Variants in DGKB observed in about 807,000 individuals in gnomAD.
The protein encoded by DGKB is 90 kDa diacylglycerol kinase.
Under a neutral mutation model 114.3 loss-of-function variants are expected in DGKB, and 67 were observed. That is an observed-to-expected ratio of 0.59 (90% CI 0.48 to 0.72). The LOEUF is 0.72. Ranked by LOEUF, DGKB falls within the 30% of genes least tolerant of loss-of-function variation. DGKB has a pLI of 0.00. For missense variants in DGKB, 907 were observed against 975.2 expected (o/e 0.93, Z 0.93); for synonymous variants, 398 against 323.1 (o/e 1.23, Z -2.49).
chr7:14,269,069 T>C (rs908452487), intron 23 of DGKB: 6 of 152,208 alleles, frequency 3.9e-5, no homozygotes, highest in Non-Finnish European at 5.9e-5. Flanking sequence ...ATGGCTCATT[T>C]GCGTGGCTGT....
At chr7:14,368,882 G>A (rs1817155008) in intron 21 of DGKB, among the ~76,000 whole-genome samples, 1 of 152,062 alleles carries the variant, frequency 6.6e-6, no homozygotes, top group African/African-American at 2.4e-5. Context: ...CGATTTCTGT[G>A]AAAGAGAAAG....
intron 14 of DGKB, among the ~76,000 whole-genome samples, chr7:14,624,787 C>T (rs910279414): frequency 1.3e-5 from 2 of 152,026 alleles, no homozygotes; most frequent in African/African-American, 2.4e-5. Context: ...CGCTGGAGCC[C>T]AGGAGTTCAA....
chr7:14,802,787 C>G (rs1842338418), intron 2 of DGKB, among the ~76,000 whole-genome samples: 1 of 152,086 alleles, frequency 6.6e-6, no homozygotes, highest in South Asian at 2.1e-4. Flanking sequence ...CTTACCTTCC[C>G]TGAAAATAGC....
chr7:14,682,778 T>G lies in DGKB; in HGVS notation c.893A>C (p.Tyr298Ser). 6.2e-7 allele frequency: 1 copy of G among 1,611,032 alleles called. No individual in the cohort carries two copies. Among genetic ancestry groups the G allele is most frequent in the Non-Finnish European group, 8.5e-7 (1 of 1,178,304 alleles). ...ATCAGTGTTCCTTTTGGACTTCACATAGGTCTTGATGCAAGAGGGAGGTGC... is the reference window on the plus strand; with the variant it reads ...ATCAGTGTTCCTTTTGGACTTCACAGAGGTCTTGATGCAAGAGGGAGGTGC... ...ARAPPSCIKTYVKSKRNTDVM... is the reference protein window; with the variant it reads ...ARAPPSCIKTSVKSKRNTDVM... The change falls in exon 11 of 26, where the codon TAT becomes TCT. Residue 298 changes from tyrosine to serine, a missense_variant. This residue lies in a region of DGKB where 814 missense variants were observed against 856.6 expected (regional missense o/e 0.95). Coordinates refer to ENST00000402815, the MANE Select transcript of DGKB (RefSeq NM_001350709.2).
chr7:14,476,585 C>A (rs1004277214), intron 21 of DGKB, among the ~76,000 whole-genome samples: 1 of 151,820 alleles, frequency 6.6e-6, no homozygotes, highest in African/African-American at 2.4e-5. Context: ...TATATGTACA[C>A]ATATATATCC....
intron 20 of DGKB, among the ~76,000 whole-genome samples, chr7:14,503,088 C>T (rs1382687920): frequency 2.0e-5 from 3 of 152,088 alleles, no homozygotes; most frequent in African/African-American, 7.2e-5. Flanking sequence ...AATCTAATTT[C>T]TGTAAAATAT....
chr7:14,794,990 A>C (rs1328973697), intron 2 of DGKB, among the ~76,000 whole-genome samples: 1 of 152,150 alleles, frequency 6.6e-6, no homozygotes, highest in Non-Finnish European at 1.5e-5. Flanking sequence ...ACCTCCCCCA[A>C]GGCAGATGCC....
At chr7:14,670,513 AG>A (rs760545352) in intron 13 of DGKB, among the ~76,000 whole-genome samples, 2 of 151,434 alleles carry the variant, frequency 1.3e-5, no homozygotes, top group African/African-American at 2.4e-5. Context: ...CATGTTGGCC[AG>A]GGGGGGTCTT....
chr7:14,840,703 C>CAG (rs1255183801), intron 2 of DGKB, among the ~76,000 whole-genome samples: 1 of 23,406 alleles, frequency 4.3e-5, no homozygotes, highest in Non-Finnish European at 6.1e-5. Context: ...TCTTTTAACA[C>CAG]ACACACACAC....
chr7:14,589,995 T>C (rs1453924325), intron 17 of DGKB, among the ~76,000 whole-genome samples: 1 of 146,592 alleles, frequency 6.8e-6, no homozygotes, highest in Non-Finnish European at 1.5e-5. Flanking sequence ...AGCACTTGCA[T>C]ATAAAACCTA....
intron 2 of DGKB, among the ~76,000 whole-genome samples, chr7:14,836,430 A>G (rs73680340): frequency 1.4e-3 from 212 of 152,334 alleles, no homozygotes; most frequent in African/African-American, 4.5e-3. Flanking sequence ...GCTAACCCTA[A>G]GTGACAATAC....
At chr7:14,390,299 T>C (rs1821119273) in intron 21 of DGKB, among the ~76,000 whole-genome samples, 2 of 152,196 alleles carry the variant, frequency 1.3e-5, no homozygotes, top group African/African-American at 2.4e-5. Flanking sequence ...CCTCTCCTTG[T>C]CAGCAAATGG....
At chr7:14,173,719 C>T (rs898128818) in intron 25 of DGKB, among the ~76,000 whole-genome samples, 2 of 152,108 alleles carry the variant, frequency 1.3e-5, no homozygotes, top group Non-Finnish European at 2.9e-5. Context: ...TAAATATTCT[C>T]TTCAATTACA....
intron 1 of DGKB, among the ~76,000 whole-genome samples, chr7:14,973,534 TTTTC>T (rs1266853309): frequency 1.4e-5 from 2 of 145,814 alleles, no homozygotes; most frequent in South Asian, 2.1e-4. Context: ...TTTGTTTTTT[TTTTC>T]TTTTTTTTTT....
intron 23 of DGKB, among the ~76,000 whole-genome samples, chr7:14,287,935 A>C (rs1305745209): frequency 2.0e-5 from 3 of 152,164 alleles, no homozygotes; most frequent in Non-Finnish European, 4.4e-5. Context: ...ATACTGCCTC[A>C]TTTCCACATT....
intron 20 of DGKB, among the ~76,000 whole-genome samples, chr7:14,566,325 G>A (rs1797375429): frequency 6.6e-6 from 1 of 152,094 alleles, no homozygotes; most frequent in Non-Finnish European, 1.5e-5. Flanking sequence ...GAAAATAATA[G>A]ATGGTTTATT....
At chr7:14,810,627 C>T (rs981350247) in intron 2 of DGKB, among the ~76,000 whole-genome samples, 1 of 151,980 alleles carries the variant, frequency 6.6e-6, no homozygotes, top group Non-Finnish European at 1.5e-5. Context: ...CAGAGTCTCA[C>T]ACTGTCATGC....
chr7:14,279,796 G>T (rs1485205506), intron 23 of DGKB, among the ~76,000 whole-genome samples: 2 of 148,038 alleles, frequency 1.4e-5, no homozygotes, highest in African/African-American at 5.0e-5. Context: ...GCAGCTGAGG[G>T]TACTGTCTGT....
intron 25 of DGKB, chr7:14,176,018 T>A (rs1299685932): frequency 6.6e-6 from 1 of 152,088 alleles, no homozygotes; most frequent in Non-Finnish European, 1.5e-5. Flanking sequence ...TTTGGCTATG[T>A]CCTTTCAAAG....
Sources: gnomAD v4.1 joint callset for allele counts (sites outside exome capture counted in the v4.1 genomes callset) on GRCh38, gnomAD v4.1.1 for gene constraint, gnomAD v4.1.1 regional missense constraint, MANE v1.5 for transcripts, NCBI Gene and HGNC (gene_info 2026-07-23, HGNC 2026-07-21) for gene names.